HBS1L: variants seen among roughly 807,000 people sequenced by gnomAD.
HBS1L encodes the protein HBS1-like protein.
HBS1L carries 55 observed loss-of-function variants against 88.9 expected under a neutral mutation model. The ratio of observed to expected loss-of-function variants is 0.62; its 90% CI spans 0.50 to 0.77. HBS1L has a LOEUF of 0.77. Ranked by LOEUF, HBS1L falls within the 30% of genes least tolerant of loss-of-function variation. The pLI is 0.00. For missense variants in HBS1L, 741 were observed against 829.3 expected (o/e 0.89, Z 1.31); for synonymous variants, 267 against 288.5 (o/e 0.93, Z 0.76).
intron 4 of HBS1L, among the ~76,000 whole-genome samples, chr6:135,032,760 C>T (rs1776424233): frequency 6.6e-6 from 1 of 151,898 alleles, no homozygotes; most frequent in Admixed American, 6.6e-5. Context: ...TAGTTTTATC[C>T]CTGGTATGAC....
chr6:135,030,356 A>C (rs1776349962), intron 4 of HBS1L, among the ~76,000 whole-genome samples: 1 of 151,238 alleles, frequency 6.6e-6, no homozygotes, highest in African/African-American at 2.5e-5. Context: ...ATTGAGAGTA[A>C]AGTGATATCG....
intron 4 of HBS1L, among the ~76,000 whole-genome samples, chr6:135,021,948 G>C (rs1776083388): frequency 6.6e-6 from 1 of 152,032 alleles, no homozygotes; most frequent in Admixed American, 6.6e-5. Context: ...AAGCTTTACA[G>C]ACAACCAAGA....
chr6:134,979,176 A>G lies in HBS1L; in HGVS notation c.1688+2T>C. ...GTTGCTTAAACTCATTTTCTCACTCACTTGATTTTGATGATATCCATCCCA... is the reference window on the plus strand; with the variant it reads ...GTTGCTTAAACTCATTTTCTCACTCGCTTGATTTTGATGATATCCATCCCA... On this transcript the variant is annotated splice_donor_variant, in intron 14 of 17. Coordinates refer to ENST00000367837, the MANE Select transcript of HBS1L (RefSeq NM_006620.4). LOFTEE classifies it high-confidence loss of function. The G allele has an allele frequency of 6.2e-7, 1 of 1,605,758 alleles. No individual in the cohort carries two copies. Among genetic ancestry groups the G allele is most frequent in the Non-Finnish European group, 8.5e-7 (1 of 1,172,946 alleles).
chr6:134,999,973 A>T (rs1356419232), intron 5 of HBS1L, among the ~76,000 whole-genome samples: 1 of 152,184 alleles, frequency 6.6e-6, no homozygotes, highest in African/African-American at 2.4e-5. Context: ...TTAATTACTG[A>T]CTGGTATGAA....
At chr6:134,991,170 G>A (rs77351174) in intron 8 of HBS1L, among the ~76,000 whole-genome samples, 1 of 151,952 alleles carries the variant, frequency 6.6e-6, no homozygotes, top group Non-Finnish European at 1.5e-5. Context: ...ATCAGTGAGG[G>A]ATTGGTTCCA....
intron 8 of HBS1L, among the ~76,000 whole-genome samples, chr6:134,990,300 G>A (rs150526918): frequency 6.6e-6 from 1 of 152,272 alleles, no homozygotes. Flanking sequence ...GCAGAATAAA[G>A]TGATCTCTCT....
chr6:135,035,789 A>AAAAAAGC (rs1776526289), intron 4 of HBS1L: 1 of 114,494 alleles, frequency 8.7e-6, no homozygotes, highest in African/African-American at 3.6e-5. Flanking sequence ...AAAAAAAAAA[A>AAAAAAGC]AGCAGCAGCA....
At chr6:135,020,156 C>A (rs368506886) in intron 4 of HBS1L, among the ~76,000 whole-genome samples, 259 of 108,960 alleles carry the variant, frequency 2.4e-3, no homozygotes, top group Middle Eastern at 8.7e-3. Flanking sequence ...TTAAAAAAAA[C>A]CCTCCAAAAA....
chr6:135,022,252 G>A (rs1326003838), intron 4 of HBS1L, among the ~76,000 whole-genome samples: 1 of 151,134 alleles, frequency 6.6e-6, no homozygotes, highest in Non-Finnish European at 1.5e-5. Context: ...CTAAAAGGAT[G>A]TATAATTGCC....
chr6:134,997,815 G>A (rs1404592102), intron 5 of HBS1L, among the ~76,000 whole-genome samples, 159 bp from the exon 6 acceptor site: 1 of 152,140 alleles, frequency 6.6e-6, no homozygotes, highest in African/African-American at 2.4e-5. Flanking sequence ...GAAATGATAA[G>A]TAGCTAGACT....
chr6:135,051,794 G>A (rs977396225), intron 1 of HBS1L, among the ~76,000 whole-genome samples: 1 of 152,126 alleles, frequency 6.6e-6, no homozygotes, highest in Non-Finnish European at 1.5e-5. Context: ...AACCCACAAA[G>A]AACATAAATA....
rs558554467 is a variant in HBS1L at position 134,976,090 on chromosome 6, G to A, written c.1797+2589C>T. 2.6e-5 allele frequency among the ~76,000 whole-genome samples: 4 copies of A among 152,182 alleles called. No homozygotes were observed. The South Asian group carries it at 8.3e-4, about 32-fold the overall frequency. ...AGCAAACAATTCCATCAGGAAATGG[G>A]CAAGTGACATGAGCAGACACTTCTC... On this transcript the variant is annotated intron_variant, in intron 15 of 17. Transcript: ENST00000367837.
At chr6:135,020,884 G>A (rs1168996022) in intron 4 of HBS1L, among the ~76,000 whole-genome samples, 1 of 151,664 alleles carries the variant, frequency 6.6e-6, no homozygotes, top group Non-Finnish European at 1.5e-5. Flanking sequence ...CTAGGGGGAG[G>A]GCAAAATGAA....
intron 2 of HBS1L, 21 bp from the exon 3 acceptor site, chr6:135,042,147 AGAATGCTATG>A: frequency 6.2e-7 from 1 of 1,608,776 alleles, no homozygotes; most frequent in South Asian, 1.1e-5. Context: ...AAATGATCAA[AGAATGCTATG>A]GTATAGCCAT....
intron 15 of HBS1L, among the ~76,000 whole-genome samples, chr6:134,974,321 C>T (rs1033183932): frequency 1.2e-4 from 18 of 152,038 alleles, no homozygotes; most frequent in African/African-American, 4.1e-4. Context: ...TAGCCAAATT[C>T]TACCAGACAT....
At chr6:135,040,801 C>G (rs1401191695) in intron 3 of HBS1L, among the ~76,000 whole-genome samples, 1 of 152,024 alleles carries the variant, frequency 6.6e-6, no homozygotes, top group African/African-American at 2.4e-5. Context: ...CTTTGTATCC[C>G]TAGAACCCTT....
chr6:134,983,431 T>A (rs1401180953), intron 12 of HBS1L: 1 of 151,834 alleles, frequency 6.6e-6, no homozygotes, highest in Non-Finnish European at 1.5e-5. Flanking sequence ...ATAACAAGTT[T>A]GGAGTGGTAA....
intron 4 of HBS1L, among the ~76,000 whole-genome samples, chr6:135,005,604 G>T (rs1367798802): frequency 6.6e-6 from 1 of 152,200 alleles, no homozygotes; most frequent in Non-Finnish European, 1.5e-5. Context: ...TAATATGGCA[G>T]AATAGCAGTA....
At chr6:134,985,529 T>C (rs953801793) in intron 11 of HBS1L, 120 bp from the exon 12 acceptor site, 8 of 601,384 alleles carry the variant, frequency 1.3e-5, no homozygotes, top group African/African-American at 1.1e-4. Context: ...TAATTACTAA[T>C]AGCAACTTAA....
Sources: allele counts gnomAD v4.1 joint callset (sites outside exome capture counted in the v4.1 genomes callset), GRCh38; gene constraint gnomAD v4.1.1; transcripts MANE v1.5; gene names NCBI Gene and HGNC (gene_info 2026-07-23, HGNC 2026-07-21).